Variants in SLX4IP observed in about 807,000 individuals in gnomAD.
SLX4IP encodes the protein protein SLX4IP.
Under a neutral mutation model 32.9 loss-of-function variants are expected in SLX4IP, and 34 were observed. The observed-to-expected ratio is 1.03, with a 90% CI of 0.79 to 1.38. The LOEUF (loss-of-function observed/expected upper bound fraction) is 1.38, where lower values mean the gene tolerates loss of function less well. SLX4IP is among the 40% of genes most tolerant of loss of function. The pLI is 0.00. For missense variants in SLX4IP, 444 were observed against 479.0 expected (o/e 0.93, Z 0.68); for synonymous variants, 172 against 171.7 (o/e 1.00, Z -0.01).
intron 6 of SLX4IP, chr20:10,613,513 C>A: frequency 6.2e-7 from 1 of 1,608,282 alleles, no homozygotes; most frequent in Admixed American, 1.7e-5. Flanking sequence ...TCCATCTGAG[C>A]CAGAAAATTG....
At chr20:10,556,160 G>A in intron 2 of SLX4IP, 71 bp from the exon 3 acceptor site, 1 of 1,409,900 alleles carries the variant, frequency 7.1e-7, no homozygotes, top group Non-Finnish European at 9.8e-7. Flanking sequence ...ATAGGAATTT[G>A]TGAGATTTTC....
At chr20:10,481,002 G>T (rs1350767839) in intron 2 of SLX4IP, among the ~76,000 whole-genome samples, 1 of 151,770 alleles carries the variant, frequency 6.6e-6, no homozygotes, top group South Asian at 2.1e-4. Context: ...TTTTGTTTTG[G>T]ATATCTAGAA....
At chr20:10,546,599 T>A (rs1381189443) in intron 2 of SLX4IP, among the ~76,000 whole-genome samples, 2 of 152,070 alleles carry the variant, frequency 1.3e-5, no homozygotes, top group African/African-American at 4.8e-5. Context: ...GCTGGCATGG[T>A]GCAGAAGCCT....
At chr20:10,569,793 C>T (rs111887546) in intron 4 of SLX4IP, among the ~76,000 whole-genome samples, 3,932 of 152,292 alleles carry the variant, frequency 0.026, 102 homozygotes, top group Admixed American at 0.087. Context: ...CCTTTGTCTT[C>T]ACATAATTTT....
At chr20:10,544,637 T>G (rs1462358230) in intron 2 of SLX4IP, among the ~76,000 whole-genome samples, 1 of 152,228 alleles carries the variant, frequency 6.6e-6, no homozygotes, top group East Asian at 1.9e-4. Flanking sequence ...TCTGTCCGCC[T>G]TGGCCTTCCA....
chr20:10,617,805 C>T (rs965845365), intron 6 of SLX4IP, among the ~76,000 whole-genome samples: 2 of 151,944 alleles, frequency 1.3e-5, no homozygotes, highest in Non-Finnish European at 2.9e-5. Context: ...CACACCACCA[C>T]GCCTGGCTAA....
intron 6 of SLX4IP, among the ~76,000 whole-genome samples, chr20:10,611,590 T>C (rs1230793613): frequency 6.6e-6 from 1 of 152,172 alleles, no homozygotes. Context: ...TCTTTGAGGC[T>C]TGTTAGTTCA....
At chr20:10,601,611 C>T (rs548928333) in intron 5 of SLX4IP, 120 bp from the exon 6 acceptor site, 12 of 736,792 alleles carry the variant, frequency 1.6e-5, no homozygotes, top group Admixed American at 6.8e-5. Flanking sequence ...AGAGAAGAGA[C>T]GTATGTTTTA....
chr20:10,621,526 C>T, intron 7 of SLX4IP, 112 bp downstream of exon 7: 1 of 851,844 alleles, frequency 1.2e-6, no homozygotes, highest in Middle Eastern at 2.5e-4. Context: ...AAACTCCCCT[C>T]CGTCACGTAC....
chr20:10,518,503 TTCC>T (rs2065876506), intron 2 of SLX4IP, among the ~76,000 whole-genome samples: 1 of 61,690 alleles, frequency 1.6e-5, no homozygotes, highest in Non-Finnish European at 3.5e-5. Context: ...CCTTCCTTCC[TTCC>T]TTCCTTCCTT....
intron 2 of SLX4IP, among the ~76,000 whole-genome samples, chr20:10,462,781 G>A (rs2065348640): frequency 6.6e-6 from 1 of 152,244 alleles, no homozygotes; most frequent in African/African-American, 2.4e-5. Context: ...TGCCTAGAAA[G>A]TGTAAGGGTG....
At chr20:10,443,180 G>A (rs1251409158) in intron 1 of SLX4IP, among the ~76,000 whole-genome samples, 1 of 151,912 alleles carries the variant, frequency 6.6e-6, no homozygotes, top group East Asian at 1.9e-4. Flanking sequence ...TTGGAATTTA[G>A]GGACAGTAAA....
Position 10,621,319 on chromosome 20 carries a change from A to G in SLX4IP, c.411A>G (p.Glu137=), listed in dbSNP as rs1398508170. Residue 137 remains glutamate (E), a synonymous_variant, in exon 7 of 8, where the codon GAA becomes GAG. Transcript: ENST00000334534. ...TTTGTTATCTTTTGGAGTAGACAGAAAGAGTTCTCCATGGAGTGTCTGATT... is the reference window on the plus strand; with the variant it reads ...TTTGTTATCTTTTGGAGTAGACAGAGAGAGTTCTCCATGGAGTGTCTGATT... ...LLASQNEDLT[E]RVLHGVSDYF... The G allele has an allele frequency of 3.1e-6, 5 of 1,613,726 alleles. No homozygotes were observed. The African/African-American group carries it at 6.7e-5, about 22-fold the overall frequency.
chr20:10,500,624 C>A (rs1329568826), intron 2 of SLX4IP, among the ~76,000 whole-genome samples: 1 of 152,098 alleles, frequency 6.6e-6, no homozygotes, highest in Non-Finnish European at 1.5e-5. Context: ...TGGTGGTGCA[C>A]ACCTGTAGTC....
At chr20:10,472,242 T>G (rs965383976) in intron 2 of SLX4IP, among the ~76,000 whole-genome samples, 2 of 151,696 alleles carry the variant, frequency 1.3e-5, no homozygotes, top group Non-Finnish European at 2.9e-5. Context: ...TACTTTTTTT[T>G]TTTTTTGAGA....
At chr20:10,526,768 T>C (rs2122457260) in intron 2 of SLX4IP, among the ~76,000 whole-genome samples, 1 of 152,214 alleles carries the variant, frequency 6.6e-6, no homozygotes, top group East Asian at 1.9e-4. Flanking sequence ...CTGGGCAATA[T>C]GGTAAAATCT....
At chr20:10,437,805 A>G (rs754089909) in intron 1 of SLX4IP, among the ~76,000 whole-genome samples, 44 of 152,230 alleles carry the variant, frequency 2.9e-4, no homozygotes, top group Non-Finnish European at 1.9e-4. Context: ...GTATTAACAT[A>G]CCTCATATTG....
intron 2 of SLX4IP, among the ~76,000 whole-genome samples, chr20:10,530,554 A>G (rs1243847121): frequency 2.6e-5 from 4 of 152,222 alleles, no homozygotes; most frequent in Non-Finnish European, 5.9e-5. Flanking sequence ...CTTGGTGAGA[A>G]GCTCCCTGAC....
At chr20:10,550,426 C>G (rs546487358) in intron 2 of SLX4IP, among the ~76,000 whole-genome samples, 1 of 152,276 alleles carries the variant, frequency 6.6e-6, no homozygotes, top group Non-Finnish European at 1.5e-5. Flanking sequence ...CTTGTCCTTC[C>G]TCTCCCTCAC....
Sources: allele counts gnomAD v4.1 joint callset (sites outside exome capture counted in the v4.1 genomes callset), GRCh38; gene constraint gnomAD v4.1.1; transcripts MANE v1.5; gene names NCBI Gene and HGNC (gene_info 2026-07-23, HGNC 2026-07-21).